The following DNTT variants were observed in gnomAD, a reference collection of about 807,000 sequenced individuals.
DNTT encodes the protein DNA nucleotidylexotransferase.
In DNTT, 47 loss-of-function variants were observed where a neutral mutation model predicts 60.9. The observed-to-expected ratio is 0.77, with a 90% CI of 0.61 to 0.98. The LOEUF (loss-of-function observed/expected upper bound fraction) is 0.98, where lower values mean the gene tolerates loss of function less well. Among genes scored for constraint, DNTT ranks in the 50% least tolerant of loss-of-function variants. The probability of loss-of-function intolerance (pLI) is 0.00; values close to 1 mark genes in which losing one functional copy is unlikely to be tolerated. For missense variants in DNTT, 665 were observed against 627.5 expected (o/e 1.06, Z -0.64); for synonymous variants, 224 against 221.2 (o/e 1.01, Z -0.11).
intron 2 of DNTT, 74 bp downstream of exon 2, chr10:96,318,600 T>C (rs1323519570): frequency 2.3e-5 from 35 of 1,532,438 alleles, no homozygotes; most frequent in Non-Finnish European, 3.0e-5. Context: ...TCAACGGAGC[T>C]GGGGTAAACC....
intron 1 of DNTT, among the ~76,000 whole-genome samples, chr10:96,307,699 GTGTGTGTATATA>G (rs1157738974): frequency 2.9e-4 from 20 of 68,906 alleles, no homozygotes; most frequent in African/African-American, 8.7e-4. Context: ...ATGTGTGTGT[GTGTGTGTATATA>G]TATATATATA....
At chr10:96,337,504 A>G (rs1450148605) in intron 10 of DNTT, among the ~76,000 whole-genome samples, 2 of 152,250 alleles carry the variant, frequency 1.3e-5, no homozygotes, top group East Asian at 1.9e-4. Context: ...ACATAGTACA[A>G]TGAAGGAACA....
At chr10:96,307,705 G>GTGTATATATATATATA (rs1354977619) in intron 1 of DNTT, among the ~76,000 whole-genome samples, 31 of 52,888 alleles carry the variant, frequency 5.9e-4, no homozygotes, top group Non-Finnish European at 8.4e-4. Context: ...GTGTGTGTGT[G>GTGTATATATATATATA]TATATATATA....
At chr10:96,307,773 A>ATTTTT (rs1407279607) in intron 1 of DNTT, among the ~76,000 whole-genome samples, 2 of 100,396 alleles carry the variant, frequency 2.0e-5, no homozygotes, top group African/African-American at 7.2e-5. Context: ...ATATATATAT[A>ATTTTT]TATATTTTTT....
chr10:96,336,118 C>T (rs1260911078), intron 10 of DNTT, 144 bp downstream of exon 10: 7 of 807,902 alleles, frequency 8.7e-6, no homozygotes, highest in Middle Eastern at 2.4e-4. Context: ...TAGTTGAGGG[C>T]AGCAAGAAAG....
In DNTT at chr10:96,319,288, C is replaced by T. The variant is rs1211613423; in HGVS notation, c.405C>T (p.Thr135=). 2 of 1,613,578 alleles carry T rather than the reference C, an allele frequency of 1.2e-6. No homozygotes were observed. Among genetic ancestry groups the T allele is most frequent in the Admixed American group, 3.3e-5 (2 of 59,982 alleles). Residue 135 remains threonine, a synonymous_variant, in exon 3 of 11, where the codon ACC becomes ACT. Coordinates refer to ENST00000371174, the MANE Select transcript of DNTT (RefSeq NM_004088.4). ...TGAGAAGAGACTATTCAGATAGCAC[C>T]AACCCAGGCCCCCCGAAGACTCCAC... The part of the protein sequence containing the change: ...LVVRRDYSDS[T]NPGPPKTPPI...
At chr10:96,331,584 C>T (rs1564874801) in intron 8 of DNTT, among the ~76,000 whole-genome samples, 1 of 152,078 alleles carries the variant, frequency 6.6e-6, no homozygotes, top group Admixed American at 6.5e-5. Context: ...AGAACTCACT[C>T]ATTACCATGA....
chr10:96,319,193 AT>A (rs1192401436), intron 2 of DNTT, 68 bp from the exon 3 acceptor site: 21 of 1,530,610 alleles, frequency 1.4e-5, no homozygotes, highest in Non-Finnish European at 1.4e-5. Flanking sequence ...CTACTTCCAA[AT>A]TTTTTCCGTA....
At chr10:96,320,125 T>C (rs1844848406) in intron 3 of DNTT, among the ~76,000 whole-genome samples, 1 of 152,192 alleles carries the variant, frequency 6.6e-6, no homozygotes, top group Admixed American at 6.5e-5. Context: ...TACAGCTGCT[T>C]CCTCCCCTGC....
intron 1 of DNTT, among the ~76,000 whole-genome samples, chr10:96,312,100 C>T (rs1844727154): frequency 6.6e-6 from 1 of 152,046 alleles, no homozygotes; most frequent in African/African-American, 2.4e-5. Flanking sequence ...AATTGTGTAC[C>T]TCCTAAAATT....
chr10:96,330,713 T>C (rs1367424236), intron 8 of DNTT, among the ~76,000 whole-genome samples: 1 of 152,186 alleles, frequency 6.6e-6, no homozygotes, highest in Admixed American at 6.5e-5. Context: ...TTCCTAACAA[T>C]AATCAATTTA....
chr10:96,335,928 A>C lies in DNTT; in HGVS notation c.1397A>C (p.Glu466Ala), dbSNP rs1264358898. ...GACCTCCGGCGCTATGCCACACATGAGCGGAAGATGATTCTGGATAACCAT... is the reference window on the plus strand; with the variant it reads ...GACCTCCGGCGCTATGCCACACATGCGCGGAAGATGATTCTGGATAACCAT... ...ERDLRRYATH[E>A]RKMILDNHAL... is the part of the protein sequence containing the mutation. The change falls in exon 10 of 11, where the codon GAG becomes GCG. Residue 466 changes from glutamate to alanine, a missense_variant. Coordinates refer to ENST00000371174, the MANE Select transcript of DNTT (RefSeq NM_004088.4). The C allele has an allele frequency of 1.2e-6, 2 of 1,614,104 alleles. No homozygotes were observed. Among genetic ancestry groups the C allele is most frequent in the African/African-American group, 2.7e-5 (2 of 74,942 alleles).
At chr10:96,328,082 A>T (rs1844959902) in intron 7 of DNTT, among the ~76,000 whole-genome samples, 3 of 152,250 alleles carry the variant, frequency 2.0e-5, no homozygotes, top group Non-Finnish European at 1.5e-5. Context: ...CATGATGCCT[A>T]GCACAAAGTA....
chr10:96,309,986 G>A (rs1451863658), intron 1 of DNTT, among the ~76,000 whole-genome samples: 1 of 152,172 alleles, frequency 6.6e-6, no homozygotes, highest in East Asian at 1.9e-4. Flanking sequence ...CCTTCAAAGA[G>A]GTAACTCCGA....
chr10:96,317,179 G>A (rs1444862704), intron 1 of DNTT, among the ~76,000 whole-genome samples: 12 of 152,156 alleles, frequency 7.9e-5, no homozygotes, highest in Non-Finnish European at 1.5e-5. Flanking sequence ...TTAAAAACTA[G>A]AAATAACATA....
chr10:96,321,458 G>C (rs796901803), intron 4 of DNTT, among the ~76,000 whole-genome samples: 25 of 152,174 alleles, frequency 1.6e-4, no homozygotes, highest in African/African-American at 6.0e-4. Flanking sequence ...GCTCACCTGA[G>C]GCATTCTTCC....
intron 1 of DNTT, among the ~76,000 whole-genome samples, chr10:96,307,709 A>G (rs201840105): frequency 1.2e-4 from 12 of 101,250 alleles, no homozygotes; most frequent in Non-Finnish European, 1.3e-4. Context: ...GTGTGTGTAT[A>G]TATATATATA....
At chr10:96,318,138 T>C (rs1844810870) in intron 1 of DNTT, among the ~76,000 whole-genome samples, 1 of 152,212 alleles carries the variant, frequency 6.6e-6, no homozygotes, top group Non-Finnish European at 1.5e-5. Context: ...GTCTTTATTG[T>C]TCGTGCATCT....
chr10:96,338,185 G>T lies in DNTT; in HGVS notation c.1491G>T (p.Leu497=). Reference sequence around the variant, plus strand: ...GTGAAGAAGAAATTTTTGCGCATCTGGGATTGGATTATATTGAACCGTGGG... The same window carrying T: ...GTGAAGAAGAAATTTTTGCGCATCTTGGATTGGATTATATTGAACCGTGGG... ...AESEEEIFAH[L]GLDYIEPWER... is the part of the protein sequence containing the mutation. Residue 497 remains leucine (L), a synonymous_variant, in exon 11 of 11, where the codon CTG becomes CTT. Coordinates refer to ENST00000371174, the MANE Select transcript of DNTT (RefSeq NM_004088.4). The T allele has an allele frequency of 6.2e-7, 1 of 1,613,368 alleles. No individual in the cohort carries two copies. The highest frequency in any genetic ancestry group is 8.5e-7 in the Non-Finnish European group (1 of 1,179,826).
Sources: allele counts gnomAD v4.1 joint callset (sites outside exome capture counted in the v4.1 genomes callset), GRCh38; gene constraint gnomAD v4.1.1; transcripts MANE v1.5; gene names NCBI Gene and HGNC (gene_info 2026-07-23, HGNC 2026-07-21).